LYPD6B: variants seen among roughly 807,000 people sequenced by gnomAD.
The protein encoded by LYPD6B is ly6/PLAUR domain-containing protein 6B.
A neutral mutation model predicts 22.8 loss-of-function variants in LYPD6B; 17 were observed. The observed-to-expected ratio is 0.75, with a 90% CI of 0.51 to 1.12. The LOEUF (loss-of-function observed/expected upper bound fraction) is 1.12. Among genes scored for constraint, LYPD6B ranks in the 50% most tolerant of loss-of-function variants. The probability of loss-of-function intolerance (pLI) is 0.00; values close to 1 mark genes in which losing one functional copy is unlikely to be tolerated. For missense variants in LYPD6B, 221 were observed against 258.3 expected (o/e 0.86, Z 0.99); for synonymous variants, 106 against 91.6 (o/e 1.16, Z -0.90).
At chr2:149,212,577 C>T (rs1434215848) in intron 5 of LYPD6B, among the ~76,000 whole-genome samples, 4 of 151,926 alleles carry the variant, frequency 2.6e-5, no homozygotes, top group African/African-American at 9.7e-5. Flanking sequence ...TATAATGAAA[C>T]AACTGTTCTG....
chr2:149,153,182 G>A (rs1366071803), intron 2 of LYPD6B, among the ~76,000 whole-genome samples: 2 of 152,174 alleles, frequency 1.3e-5, no homozygotes, highest in African/African-American at 4.8e-5. Context: ...TGAGATAAGG[G>A]CTTCTTGAAT....
chr2:149,057,321 A>G (rs1574886782), intron 1 of LYPD6B, among the ~76,000 whole-genome samples: 1 of 152,172 alleles, frequency 6.6e-6, no homozygotes, highest in African/African-American at 2.4e-5. Context: ...GTCTCCACAA[A>G]CCTTTCAAGT....
intron 1 of LYPD6B, among the ~76,000 whole-genome samples, chr2:149,053,369 C>A (rs1683650689): frequency 6.6e-6 from 1 of 152,024 alleles, no homozygotes; most frequent in Admixed American, 6.6e-5. Flanking sequence ...TAGGATATTT[C>A]CAATATTTTG....
At chr2:149,126,687 A>G (rs1031116724) in intron 1 of LYPD6B, among the ~76,000 whole-genome samples, 4 of 152,148 alleles carry the variant, frequency 2.6e-5, no homozygotes, top group African/African-American at 4.8e-5. Flanking sequence ...AGGGTCAACC[A>G]TGCTTTTGAT....
intron 1 of LYPD6B, among the ~76,000 whole-genome samples, chr2:149,074,152 G>A (rs1684772631): frequency 6.6e-6 from 1 of 152,236 alleles, no homozygotes. Flanking sequence ...ATGTCCAGCT[G>A]GGGTGGGTCA....
intron 1 of LYPD6B, among the ~76,000 whole-genome samples, chr2:149,073,802 T>C (rs974043406): frequency 6.6e-6 from 1 of 151,970 alleles, no homozygotes; most frequent in Non-Finnish European, 1.5e-5. Flanking sequence ...TCTCTGATCC[T>C]TTCCCTTTAG....
intron 1 of LYPD6B, among the ~76,000 whole-genome samples, chr2:149,047,831 C>A (rs1263026728): frequency 1.3e-5 from 2 of 151,938 alleles, no homozygotes; most frequent in Non-Finnish European, 2.9e-5. Flanking sequence ...CATGTTTTTT[C>A]TCTTCTTATT....
intron 1 of LYPD6B, among the ~76,000 whole-genome samples, chr2:149,079,868 C>A (rs1172776271): frequency 6.6e-6 from 1 of 152,162 alleles, no homozygotes; most frequent in African/African-American, 2.4e-5. Flanking sequence ...TTTGTCATTT[C>A]TTTCATTCTC....
chr2:149,058,050 C>T (rs1574888301), intron 1 of LYPD6B, among the ~76,000 whole-genome samples: 1 of 152,222 alleles, frequency 6.6e-6, no homozygotes, highest in South Asian at 2.1e-4. Flanking sequence ...TTTCGACTGG[C>T]AGCCAGGAAC....
chr2:149,093,874 G>T (rs929273803), intron 1 of LYPD6B, among the ~76,000 whole-genome samples: 1 of 152,050 alleles, frequency 6.6e-6, no homozygotes, highest in African/African-American at 2.4e-5. Flanking sequence ...TACCAGTTTG[G>T]TGATGCATTC....
chr2:149,111,000 G>T (rs1210337702), intron 1 of LYPD6B, among the ~76,000 whole-genome samples: 1 of 152,170 alleles, frequency 6.6e-6, no homozygotes, highest in East Asian at 1.9e-4. Flanking sequence ...CTATCTGGTG[G>T]AAGGACACTA....
intron 1 of LYPD6B, among the ~76,000 whole-genome samples, chr2:149,103,881 A>C (rs184566094): frequency 2.4e-4 from 35 of 148,814 alleles, no homozygotes; most frequent in African/African-American, 8.5e-4. Flanking sequence ...GGTGCAAGCA[A>C]TTCTCCTGCC....
intron 1 of LYPD6B, among the ~76,000 whole-genome samples, chr2:149,095,612 G>A (rs949835213): frequency 6.6e-6 from 1 of 152,180 alleles, no homozygotes; most frequent in African/African-American, 2.4e-5. Context: ...GAGACAGGGA[G>A]TGAGAACAAA....
At chr2:149,189,440 C>T (rs72983208) in intron 3 of LYPD6B, among the ~76,000 whole-genome samples, 3,219 of 144,552 alleles carry the variant, frequency 0.022, 112 homozygotes, top group African/African-American at 0.078. Flanking sequence ...TCACTTTTTA[C>T]GGCAATTATG....
chr2:149,130,057 C>G (rs1687933299), intron 1 of LYPD6B, among the ~76,000 whole-genome samples: 1 of 152,186 alleles, frequency 6.6e-6, no homozygotes, highest in Non-Finnish European at 1.5e-5. Context: ...TGGTAGGCCC[C>G]TAAGAGGCCA....
chr2:149,128,981 C>T (rs560867547), intron 1 of LYPD6B, among the ~76,000 whole-genome samples: 1 of 152,258 alleles, frequency 6.6e-6, no homozygotes, highest in East Asian at 1.9e-4. Flanking sequence ...GAGACTTTAC[C>T]TGGGGAACCT....
chr2:149,211,149 A>T (rs1017519276), intron 5 of LYPD6B, among the ~76,000 whole-genome samples: 3 of 152,170 alleles, frequency 2.0e-5, no homozygotes, highest in Non-Finnish European at 4.4e-5. Context: ...ATGAGAACTC[A>T]CTATCACAAG....
At chr2:149,139,508 T>C (rs114055198) in intron 2 of LYPD6B, among the ~76,000 whole-genome samples, 137 of 152,298 alleles carry the variant, frequency 9.0e-4, no homozygotes, top group African/African-American at 3.2e-3. Context: ...AAGCATACAC[T>C]TCAGAGGCAA....
chr2:149,095,779 T>G (rs561772011), intron 1 of LYPD6B, among the ~76,000 whole-genome samples: 1 of 148,270 alleles, frequency 6.7e-6, no homozygotes. Flanking sequence ...AGACAGAAAG[T>G]GGGAGACAGG....
Sources: allele counts gnomAD v4.1 joint callset (sites outside exome capture counted in the v4.1 genomes callset), GRCh38; gene constraint gnomAD v4.1.1; transcripts MANE v1.5; gene names NCBI Gene and HGNC (gene_info 2026-07-23, HGNC 2026-07-21).